Variants in CEP128 observed in about 807,000 individuals in gnomAD.
CEP128 encodes centrosomal protein 128.
In CEP128, 132 loss-of-function variants were observed where a neutral mutation model predicts 156.7. That is an observed-to-expected ratio of 0.84 (90% CI 0.73 to 0.97). The LOEUF (loss-of-function observed/expected upper bound fraction) is 0.97, where lower values mean the gene tolerates loss of function less well. CEP128 is among the 50% of genes least tolerant of loss of function. The probability of loss-of-function intolerance (pLI) is 0.00; values close to 1 mark genes in which losing one functional copy is unlikely to be tolerated. For synonymous variants in CEP128, 469 were observed against 448.9 expected (o/e 1.04, Z -0.57); for missense variants, 1,252 against 1,281.9 (o/e 0.98, Z 0.36).
At chr14:80,746,655 CATAAATCG>C (rs1899116155) in intron 18 of CEP128, among the ~76,000 whole-genome samples, 1 of 152,162 alleles carries the variant, frequency 6.6e-6, no homozygotes, top group South Asian at 2.1e-4. Context: ...AAAACACAGG[CATAAATCG>C]TTGTGACCTT....
At chr14:80,856,585 G>A (rs919886011) in intron 9 of CEP128, among the ~76,000 whole-genome samples, 7 of 152,020 alleles carry the variant, frequency 4.6e-5, no homozygotes, top group African/African-American at 1.7e-4. Flanking sequence ...TTGAGACTGA[G>A]TGGGCCATGA....
At chr14:80,798,511 G>C (rs941991398) in intron 13 of CEP128, among the ~76,000 whole-genome samples, 3 of 152,162 alleles carry the variant, frequency 2.0e-5, no homozygotes, top group Non-Finnish European at 4.4e-5. Context: ...GTTTTAATTA[G>C]GGGCTAGTCA....
intron 19 of CEP128, among the ~76,000 whole-genome samples, chr14:80,702,190 T>C (rs1451347752): frequency 6.6e-6 from 1 of 152,188 alleles, no homozygotes; most frequent in Non-Finnish European, 1.5e-5. Context: ...GGGATTTTTG[T>C]GTATTTTATT....
intron 9 of CEP128, among the ~76,000 whole-genome samples, chr14:80,856,927 T>C (rs1887208583): frequency 1.3e-5 from 2 of 151,290 alleles, no homozygotes; most frequent in Admixed American, 1.3e-4. Flanking sequence ...TTTGTATTTT[T>C]AGTAGAGACG....
At chr14:80,714,656 C>T (rs907800563) in intron 19 of CEP128, among the ~76,000 whole-genome samples, 1 of 151,954 alleles carries the variant, frequency 6.6e-6, no homozygotes, top group Admixed American at 6.6e-5. Flanking sequence ...TCCACACTAA[C>T]GGCAGCTATA....
intron 9 of CEP128, among the ~76,000 whole-genome samples, chr14:80,857,743 AC>A (rs202045583): frequency 0.03 from 3,898 of 128,954 alleles, 80 homozygotes; most frequent in Middle Eastern, 0.074. Flanking sequence ...TCAAAAAAAA[AC>A]AACAACAACA....
intron 21 of CEP128, among the ~76,000 whole-genome samples, chr14:80,546,076 C>G (rs1889971411): frequency 6.6e-6 from 1 of 152,122 alleles, no homozygotes; most frequent in Non-Finnish European, 1.5e-5. Flanking sequence ...AGGCACATAA[C>G]CAGAGTGGCA....
intron 21 of CEP128, among the ~76,000 whole-genome samples, chr14:80,550,319 G>T (rs886214699): frequency 3.3e-5 from 5 of 152,056 alleles, no homozygotes; most frequent in African/African-American, 9.7e-5. Context: ...TCAAAATTAA[G>T]TTTTAAAGCT....
intron 2 of CEP128, among the ~76,000 whole-genome samples, chr14:80,930,185 A>C (rs1885381385): frequency 6.6e-6 from 1 of 152,160 alleles, no homozygotes; most frequent in Non-Finnish European, 1.5e-5. Flanking sequence ...ATACAAATTA[A>C]CATTAGCAGA....
At chr14:80,714,379 G>C (rs1370190205) in intron 19 of CEP128, among the ~76,000 whole-genome samples, 1 of 151,962 alleles carries the variant, frequency 6.6e-6, no homozygotes, top group African/African-American at 2.4e-5. Context: ...CCACCATTCT[G>C]AGCTGGGAAA....
At chr14:80,520,421 AAAAC>A (rs776394627) in intron 23 of CEP128, among the ~76,000 whole-genome samples, 3 of 85,542 alleles carry the variant, frequency 3.5e-5, no homozygotes, top group African/African-American at 9.1e-5. Context: ...TCCATCTAAA[AAAAC>A]AAACAAACAA....
intron 19 of CEP128, among the ~76,000 whole-genome samples, chr14:80,653,240 G>A (rs926177764): frequency 3.9e-5 from 6 of 152,138 alleles, no homozygotes; most frequent in African/African-American, 9.6e-5. Flanking sequence ...TGTAGATGAC[G>A]GGTTGATGGG....
At chr14:80,799,554 C>A (rs1883706714) in intron 13 of CEP128, among the ~76,000 whole-genome samples, 1 of 152,126 alleles carries the variant, frequency 6.6e-6, no homozygotes, top group South Asian at 2.1e-4. Context: ...TTGCAGAGAG[C>A]CTATAAACGG....
At chr14:80,860,218 T>C (rs1365124324) in intron 9 of CEP128, among the ~76,000 whole-genome samples, 1 of 152,172 alleles carries the variant, frequency 6.6e-6, no homozygotes, top group East Asian at 1.9e-4. Flanking sequence ...GCTTAATCTT[T>C]CCTAGCTTCC....
At chr14:80,516,108 T>A (rs1888475219) in intron 23 of CEP128, among the ~76,000 whole-genome samples, 1 of 152,144 alleles carries the variant, frequency 6.6e-6, no homozygotes, top group Non-Finnish European at 1.5e-5. Flanking sequence ...CCTCAGGTGA[T>A]TTGCACACCT....
At chr14:80,812,806 G>A (rs981708611) in intron 13 of CEP128, among the ~76,000 whole-genome samples, 79 of 152,184 alleles carry the variant, frequency 5.2e-4, no homozygotes, top group African/African-American at 1.8e-3. Context: ...CTCGTGATCC[G>A]CCAACCTCAG....
At chr14:80,691,307 T>G (rs1896711859) in intron 19 of CEP128, among the ~76,000 whole-genome samples, 1 of 152,216 alleles carries the variant, frequency 6.6e-6, no homozygotes, top group Admixed American at 6.5e-5. Context: ...AATTATCCTT[T>G]TAGCGAGAAT....
At chr14:80,579,719 T>C (rs1595037795) in intron 20 of CEP128, among the ~76,000 whole-genome samples, 1 of 152,220 alleles carries the variant, frequency 6.6e-6, no homozygotes, top group South Asian at 2.1e-4. Context: ...GGTTCTATCA[T>C]GGGAATATAA....
Position 80,844,460 on chromosome 14 carries a change from A to ATTTT in CEP128, c.763-3693_763-3692insAAAA, listed in dbSNP as rs1566666067. The stretch of plus-strand genomic sequence containing the variant: ...TATTGATACTATTATGATACCATAC[A>ATTTT]TACTTGAGGGATATCAAAGTAAGGG... On this transcript the variant is annotated intron_variant, in intron 9 of 24. Transcript: ENST00000555265. Among the ~76,000 whole-genome samples, 12 of 152,290 alleles carry ATTTT rather than the reference A, an allele frequency of 7.9e-5. No individual in the cohort carries two copies. In the East Asian group the frequency reaches 9.6e-4, roughly 12 times the overall value.
Sources: gnomAD v4.1 joint callset for allele counts (sites outside exome capture counted in the v4.1 genomes callset) on GRCh38, gnomAD v4.1.1 for gene constraint, MANE v1.5 for transcripts, NCBI Gene and HGNC (gene_info 2026-07-23, HGNC 2026-07-21) for gene names.